ADARB2: variants seen among roughly 807,000 people sequenced by gnomAD.
The protein encoded by ADARB2 is inactive double-stranded RNA-specific editase B2.
A neutral mutation model predicts 62.2 loss-of-function variants in ADARB2; 25 were observed. That is an observed-to-expected ratio of 0.40 (90% CI 0.29 to 0.56). The LOEUF is 0.56. Ranked by LOEUF, ADARB2 falls within the 20% of genes least tolerant of loss-of-function variation. The probability of loss-of-function intolerance (pLI) is 0.43; values close to 1 mark genes in which losing one functional copy is unlikely to be tolerated. For missense variants in ADARB2, 1,071 were observed against 1,077.4 expected, an observed-to-expected ratio of 0.99 and a Z score of 0.08; for synonymous variants, 572 against 500.8, an observed-to-expected ratio of 1.14 and a Z score of -1.90.
At chr10:1,314,059 G>A (rs1488515745) in intron 3 of ADARB2, among the ~76,000 whole-genome samples, 1 of 152,242 alleles carries the variant, frequency 6.6e-6, no homozygotes, top group Non-Finnish European at 1.5e-5. Flanking sequence ...CACAGCTCAG[G>A]AGCCCTGTGG....
intron 1 of ADARB2, among the ~76,000 whole-genome samples, chr10:1,439,557 G>A: frequency 9.1e-6 from 1 of 109,430 alleles, no homozygotes; most frequent in African/African-American, 2.9e-5. Flanking sequence ...GCAGATGGAG[G>A]CAGGTCCTTC....
At chr10:1,329,659 G>A (rs929191316) in intron 3 of ADARB2, among the ~76,000 whole-genome samples, 2 of 152,166 alleles carry the variant, frequency 1.3e-5, no homozygotes, top group African/African-American at 2.4e-5. Context: ...TAATCCCTCC[G>A]CCTCCCTGAT....
chr10:1,733,453 C>T (rs962085961), intron 1 of ADARB2, among the ~76,000 whole-genome samples: 5 of 152,044 alleles, frequency 3.3e-5, no homozygotes, highest in Non-Finnish European at 5.9e-5. Context: ...AACAGATAGA[C>T]AAAGCAGAAT....
Position 1,381,974 on chromosome 10 carries a change from G to T in ADARB2, c.101-2814C>A, listed in dbSNP as rs145700341. ...AACATGTATTGCCCACTTGAAATGG[G>T]ATAAAAGAGTGGATTTTAAGCATCC... is the stretch of plus-strand genomic sequence containing the variant. On this transcript the variant is annotated intron_variant, in intron 1 of 9. Transcript: ENST00000381312. Among the ~76,000 whole-genome samples the T allele has an allele frequency of 4.3e-3, 653 of 152,270 alleles. 1 individual carries two copies. Among genetic ancestry groups the T allele is most frequent in the African/African-American group, 0.015 (610 of 41,566 alleles).
chr10:1,253,726 C>T (rs1831055617), intron 4 of ADARB2, among the ~76,000 whole-genome samples: 1 of 152,188 alleles, frequency 6.6e-6, no homozygotes, highest in Non-Finnish European at 1.5e-5. Context: ...CCATGGACAT[C>T]AAAGCCAGTG....
chr10:1,659,526 G>A (rs1231119241), intron 1 of ADARB2, among the ~76,000 whole-genome samples: 6 of 152,250 alleles, frequency 3.9e-5, no homozygotes, highest in South Asian at 2.1e-4. Context: ...CCCCACTGCC[G>A]GCCCCGGTCA....
chr10:1,633,172 C>A (rs1833864066), intron 1 of ADARB2, among the ~76,000 whole-genome samples: 2 of 152,282 alleles, frequency 1.3e-5, no homozygotes, highest in Non-Finnish European at 2.9e-5. Context: ...TGGTTCTGAG[C>A]CCTTTGGGCT....
At chr10:1,221,463 A>C (rs577363336) in intron 6 of ADARB2, among the ~76,000 whole-genome samples, 1 of 151,872 alleles carries the variant, frequency 6.6e-6, no homozygotes, top group Non-Finnish European at 1.5e-5. Flanking sequence ...CATGTGCACA[A>C]CGTGCAGGTT....
intron 6 of ADARB2, among the ~76,000 whole-genome samples, chr10:1,219,755 T>C (rs1173675385): frequency 1.3e-5 from 2 of 151,712 alleles, no homozygotes; most frequent in African/African-American, 4.8e-5. Flanking sequence ...ATAATGGTGA[T>C]GATGGTGGCG....
chr10:1,420,355 G>A (rs761419226), intron 1 of ADARB2, among the ~76,000 whole-genome samples: 9 of 152,206 alleles, frequency 5.9e-5, no homozygotes, highest in Non-Finnish European at 1.0e-4. Flanking sequence ...GGGATTGTCA[G>A]GCCAGCGCAG....
chr10:1,267,787 C>A (rs1444661552), intron 4 of ADARB2, among the ~76,000 whole-genome samples: 1 of 152,244 alleles, frequency 6.6e-6, no homozygotes, highest in African/African-American at 2.4e-5. Flanking sequence ...AGGCTCCCTT[C>A]CCAGCGGAAC....
chr10:1,315,097 C>A (rs1408792791), intron 3 of ADARB2, among the ~76,000 whole-genome samples: 1 of 152,168 alleles, frequency 6.6e-6, no homozygotes, highest in Admixed American at 6.5e-5. Flanking sequence ...CCTCTCCCCA[C>A]CGAGTCTCTC....
At chr10:1,523,983 C>A (rs1832107235) in intron 1 of ADARB2, among the ~76,000 whole-genome samples, 1 of 152,080 alleles carries the variant, frequency 6.6e-6, no homozygotes, top group Non-Finnish European at 1.5e-5. Flanking sequence ...ATTCATTCAC[C>A]TATTCATTTT....
At chr10:1,362,258 G>A (rs533816018) in intron 3 of ADARB2, among the ~76,000 whole-genome samples, 2 of 152,256 alleles carry the variant, frequency 1.3e-5, no homozygotes, top group Non-Finnish European at 2.9e-5. Context: ...AGAAACTTCA[G>A]TAACGGGCTC....
intron 4 of ADARB2, among the ~76,000 whole-genome samples, chr10:1,268,415 A>T (rs528673603): frequency 7.2e-4 from 110 of 152,340 alleles, no homozygotes; most frequent in African/African-American, 2.1e-3. Flanking sequence ...TGGCTAAGAA[A>T]TGGTCTCTGA....
chr10:1,634,703 T>C (rs1833892360), intron 1 of ADARB2, among the ~76,000 whole-genome samples: 1 of 152,242 alleles, frequency 6.6e-6, no homozygotes, highest in Non-Finnish European at 1.5e-5. Context: ...ATCTTTCCAG[T>C]TGATACACTC....
At chr10:1,229,669 T>C (rs991738553) in intron 6 of ADARB2, among the ~76,000 whole-genome samples, 1 of 152,216 alleles carries the variant, frequency 6.6e-6, no homozygotes, top group Admixed American at 6.5e-5. Context: ...TGTGCACATA[T>C]GCTTATGTAT....
chr10:1,695,749 TG>T (rs1834732789), intron 1 of ADARB2, among the ~76,000 whole-genome samples: 1 of 152,140 alleles, frequency 6.6e-6, no homozygotes, highest in African/African-American at 2.4e-5. Flanking sequence ...TATGTATACA[TG>T]GAAACATGCA....
intron 1 of ADARB2, among the ~76,000 whole-genome samples, chr10:1,729,825 A>G (rs1484887049): frequency 6.6e-6 from 1 of 152,200 alleles, no homozygotes; most frequent in African/African-American, 2.4e-5. Flanking sequence ...TGAGCTCCCC[A>G]TCCTATTTTA....
Sources: allele counts gnomAD v4.1 joint callset (sites outside exome capture counted in the v4.1 genomes callset), GRCh38; gene constraint gnomAD v4.1.1; transcripts MANE v1.5; gene names NCBI Gene and HGNC (gene_info 2026-07-23, HGNC 2026-07-21).